Variants in SLC26A4 observed in about 807,000 individuals in gnomAD.
SLC26A4 encodes the protein solute carrier family 26 member 4.
A neutral mutation model predicts 90.4 loss-of-function variants in SLC26A4; 93 were observed. The observed-to-expected ratio is 1.03, with a 90% CI of 0.87 to 1.22. SLC26A4 has a LOEUF of 1.22. Ranked by LOEUF, SLC26A4 falls within the 50% of genes most tolerant of loss-of-function variation. The pLI is 0.00. For missense variants in SLC26A4, 1,127 were observed against 946.2 expected, an observed-to-expected ratio of 1.19 and a Z score of -2.51; for synonymous variants, 393 against 354.6, an observed-to-expected ratio of 1.11 and a Z score of -1.22.
At position 107,661,712 on chromosome 7, in the gene SLC26A4, G is replaced by A. The variant is rs1349370504; in HGVS notation, c.71G>A (p.Arg24Gln). The A allele has an allele frequency of 3.2e-6, 5 of 1,567,400 alleles. No individual in the cohort carries two copies. Among genetic ancestry groups the A allele is most frequent in the Admixed American group, 1.8e-5 (1 of 54,120 alleles). ...PEYSCSYMVSRPVYSELAFQQ... is the reference protein window; with the variant it reads ...PEYSCSYMVSQPVYSELAFQQ... ...TACAGCTGCAGCTACATGGTGTCGC[G>A]GCCGGTCTACAGCGAGCTCGCTTTC... Residue 24 changes from arginine to glutamine, a missense_variant, in exon 2 of 21, where the codon CGG becomes CAG. Physicochemically the swap from Arg to Gln is conservative, Grantham distance 43. Coordinates refer to ENST00000644269, the MANE Select transcript of SLC26A4 (RefSeq NM_000441.2). The surrounding 1 kb of genome is among the most constrained non-coding windows in gnomAD (Gnocchi z 5.1).
In SLC26A4 at chr7:107,712,583, A is replaced by G; in HGVS notation, c.2280A>G (p.Glu760=). ...GTAAAGATACCCTTGAATTAATAGA[A>G]ACAGAGCTGACGGAAGAAGAACTTG... ...QDCKDTLELI[E]TELTEEELDV... Residue 760 remains glutamate (E), a synonymous_variant, in exon 20 of 21, where the codon GAA becomes GAG. Coordinates refer to ENST00000644269, the MANE Select transcript of SLC26A4 (RefSeq NM_000441.2). The G allele has an allele frequency of 6.3e-7, 1 of 1,594,756 alleles. No homozygotes were observed. Among genetic ancestry groups the G allele is most frequent in the Non-Finnish European group, 8.6e-7 (1 of 1,162,430 alleles).
chr7:107,713,286 T>C (rs971308436), intron 20 of SLC26A4, among the ~76,000 whole-genome samples: 2 of 152,266 alleles, frequency 1.3e-5, no homozygotes, highest in African/African-American at 4.8e-5. Context: ...CCTTGATGAA[T>C]GTTCATTCAG....
Position 107,700,141 on chromosome 7 carries a change from A to G in SLC26A4, c.1673A>G (p.Asn558Ser), listed in dbSNP as rs766206507. 15 of 1,591,520 alleles carry G rather than the reference A, an allele frequency of 9.4e-6. No homozygotes were observed. In the Admixed American group the frequency reaches 2.5e-4, roughly 27 times the overall value. ...LRFSSPIFYG[N>S]VDGFKKCIKS... is the part of the protein sequence containing the mutation. ...TTTTCCAGTCCTATTTTCTATGGCA[A>G]TGTCGATGGTTTTAAAAAATGTATC... is the stretch of plus-strand genomic sequence containing the variant. The change falls in exon 15 of 21, where the codon AAT (asparagine) becomes AGT (serine). Residue 558 changes from asparagine (N) to serine (S), a missense_variant. By Grantham distance (46) the Asn-to-Ser change is conservative. Coordinates refer to ENST00000644269, the MANE Select transcript of SLC26A4 (RefSeq NM_000441.2).
At chr7:107,690,656 G>A (rs1042118801) in intron 10 of SLC26A4, among the ~76,000 whole-genome samples, 2 of 152,144 alleles carry the variant, frequency 1.3e-5, no homozygotes, top group Non-Finnish European at 2.9e-5. Flanking sequence ...CCTTTAGAAG[G>A]ATCAGGAACT....
At chr7:107,689,350 G>T (rs754925939) in intron 9 of SLC26A4, 150 bp downstream of exon 9, 20 of 787,804 alleles carry the variant, frequency 2.5e-5, no homozygotes, top group Non-Finnish European at 3.4e-5. Context: ...TTGCTAATTA[G>T]AAATTATTTT....
chr7:107,716,394 A>C lies in SLC26A4; in HGVS notation c.*948A>C, dbSNP rs1045449116. On this transcript the variant is annotated 3_prime_UTR_variant, in exon 21 of 21. Coordinates refer to ENST00000644269, the MANE Select transcript of SLC26A4 (RefSeq NM_000441.2). ...TTTCTCAAAAATTTTAGCAGTGTGT[A>C]AAGTAAGTAATCTTTAACTGAACTC... 5 of 152,178 alleles carry C rather than the reference A, an allele frequency of 3.3e-5. No homozygotes were observed. Among genetic ancestry groups the C allele is most frequent in the Admixed American group, 3.3e-4 (5 of 15,278 alleles). 9.4% of individuals were successfully genotyped at this position (152,178 alleles called of 1,614,324 possible). A position where few individuals can be genotyped will look rare whatever the true frequency, so the allele number is the denominator to read the frequency against.
chr7:107,671,694 T>C (rs1314007780), intron 3 of SLC26A4, among the ~76,000 whole-genome samples: 1 of 152,236 alleles, frequency 6.6e-6, no homozygotes, highest in Non-Finnish European at 1.5e-5. Context: ...TGAGAGTATC[T>C]GTGTAAAGGC....
chr7:107,677,998 T>C (rs57563908), intron 6 of SLC26A4, among the ~76,000 whole-genome samples: 58 of 152,236 alleles, frequency 3.8e-4, no homozygotes, highest in African/African-American at 1.3e-3. Context: ...AGGCTGGTCT[T>C]GAACCCCTGG....
chr7:107,670,513 C>T (rs1790836222), intron 3 of SLC26A4, among the ~76,000 whole-genome samples: 1 of 152,108 alleles, frequency 6.6e-6, no homozygotes, highest in South Asian at 2.1e-4. Flanking sequence ...TGATTTTACT[C>T]ACTTTTTTCC....
intron 6 of SLC26A4, among the ~76,000 whole-genome samples, chr7:107,678,311 A>G (rs1791080465): frequency 6.6e-6 from 1 of 152,202 alleles, no homozygotes. Flanking sequence ...TGACTCATTA[A>G]CCTACCAAGA....
At chr7:107,683,713 C>T (rs1462947808) in intron 8 of SLC26A4, among the ~76,000 whole-genome samples, 176 bp downstream of exon 8, 1 of 151,874 alleles carries the variant, frequency 6.6e-6, no homozygotes, top group Non-Finnish European at 1.5e-5. Context: ...AGATAAACGT[C>T]AAGCCATTTG....
intron 8 of SLC26A4, among the ~76,000 whole-genome samples, chr7:107,686,278 C>T (rs1791398726): frequency 7.3e-6 from 1 of 137,256 alleles, no homozygotes; most frequent in Admixed American, 7.4e-5. Context: ...CCTTCCCTCC[C>T]TTCCCTCCCT....
In SLC26A4 at chr7:107,661,886, C is replaced by A. The variant is rs1584293261; in HGVS notation, c.164+81C>A. ...GGGAGGGAAGGGCGTCCCCAGCGGG[C>A]GAGAGTGGGGTGCGGGCGGCGGAGC... On this transcript the variant is annotated intron_variant, in intron 2 of 20. Transcript: ENST00000644269. The surrounding 1 kb of genome is among the most constrained non-coding windows in gnomAD (Gnocchi z 5.1). The A allele has an allele frequency of 6.9e-7, 1 of 1,450,828 alleles. No individual in the cohort carries two copies. Among genetic ancestry groups the A allele is most frequent in the South Asian group, 1.3e-5 (1 of 76,162 alleles). 89.9% of individuals were successfully genotyped at this position (1,450,828 alleles called of 1,614,324 possible).
At chr7:107,675,178 A>T in intron 6 of SLC26A4, 69 bp downstream of exon 6, 4 of 1,479,524 alleles carry the variant, frequency 2.7e-6, no homozygotes, top group Non-Finnish European at 2.8e-6. Context: ...TCATTCTCTG[A>T]GTCTGGGCCA....
intron 6 of SLC26A4, among the ~76,000 whole-genome samples, chr7:107,680,224 A>G (rs1185805943): frequency 7.8e-6 from 1 of 128,290 alleles, no homozygotes; most frequent in African/African-American, 3.1e-5. Flanking sequence ...TTATAATATA[A>G]TCTTAACTTA....
At chr7:107,692,547 G>T (rs537739547) in intron 10 of SLC26A4, among the ~76,000 whole-genome samples, 1 of 152,278 alleles carries the variant, frequency 6.6e-6, no homozygotes, top group South Asian at 2.1e-4. Context: ...CATATATTGT[G>T]CCTGGCACAT....
At chr7:107,684,813 GT>G (rs1791351262) in intron 8 of SLC26A4, among the ~76,000 whole-genome samples, 1 of 152,148 alleles carries the variant, frequency 6.6e-6, no homozygotes, top group Admixed American at 6.5e-5. Context: ...AATTTCATTA[GT>G]TAGAAACAAT....
At chr7:107,691,788 A>T (rs765112142) in intron 10 of SLC26A4, 7 of 1,017,398 alleles carry the variant, frequency 6.9e-6, no homozygotes, top group Non-Finnish European at 8.3e-6. Context: ...TTTTTTTTGC[A>T]AATATTTCCA....
intron 8 of SLC26A4, 70 bp downstream of exon 8, chr7:107,683,607 C>T (rs551824016): frequency 8.4e-7 from 1 of 1,196,132 alleles, no homozygotes; most frequent in Non-Finnish European, 1.2e-6. Flanking sequence ...TTAAATAAAA[C>T]CTTTTATTAC....
Sources: allele counts gnomAD v4.1 joint callset (sites outside exome capture counted in the v4.1 genomes callset), GRCh38; gene constraint gnomAD v4.1.1; non-coding constraint Gnocchi (gnomAD v3.1); transcripts MANE v1.5; gene names NCBI Gene and HGNC (gene_info 2026-07-23, HGNC 2026-07-21).